The following PPP6R2 variants were observed in gnomAD, a reference collection of about 807,000 sequenced individuals.
PPP6R2 encodes the protein protein phosphatase 6 regulatory subunit 2.
Under a neutral mutation model 100.2 loss-of-function variants are expected in PPP6R2, and 62 were observed. The ratio of observed to expected loss-of-function variants is 0.62; its 90% CI spans 0.50 to 0.76. The LOEUF is 0.76. PPP6R2 is among the 30% of genes least tolerant of loss of function. The pLI is 0.00. For synonymous variants in PPP6R2, 525 were observed against 514.7 expected (o/e 1.02, Z -0.27); for missense variants, 1,142 against 1,276.3 (o/e 0.89, Z 1.60).
rs1479849701 is a variant in PPP6R2, at chr22:50,423,746, G to A, written c.1125+132G>A. The A allele has an allele frequency of 2.0e-5, 24 of 1,173,752 alleles. No individual in the cohort carries two copies. The East Asian group carries it at 5.9e-4, about 29-fold the overall frequency. 72.7% of individuals were successfully genotyped at this position (1,173,752 alleles called of 1,614,324 possible). On this transcript the variant is annotated intron_variant, in intron 10 of 23. Transcript: ENST00000612753. The surrounding 1 kb of genome is among the most constrained non-coding windows in gnomAD (Gnocchi z 4.8). ...TGCCACGGGGAGGTTCCAGTCCCAA[G>A]TCCCAAGGCTGGACTACAGGTCTCT...
At chr22:50,342,416 G>A (rs2042503878), upstream of PPP6R2, among the ~76,000 whole-genome samples, 2 of 152,246 alleles carry the variant, frequency 1.3e-5, no homozygotes, top group African/African-American at 4.8e-5. Flanking sequence ...CAGGGGACAG[G>A]CGTCGGGGAA....
the PPP6R2 span, among the ~76,000 whole-genome samples, chr22:50,335,598 A>G: frequency 2.0e-5 from 3 of 147,182 alleles, no homozygotes; most frequent in Non-Finnish European, 4.5e-5. Context: ...TGCAACTTCC[A>G]CCTCCTGGGT....
chr22:50,418,840 G>T (rs770277125), intron 6 of PPP6R2, 27 bp from the exon 7 acceptor site: 2 of 1,552,004 alleles, frequency 1.3e-6, no homozygotes, highest in Admixed American at 3.3e-5. Flanking sequence ...CACACTGAGG[G>T]ACTCTGTGTT....
intron 4 of PPP6R2, among the ~76,000 whole-genome samples, chr22:50,412,442 T>G (rs575772820): frequency 2.7e-4 from 41 of 151,748 alleles, no homozygotes; most frequent in African/African-American, 9.2e-4. Context: ...TTGACCTCCC[T>G]CAAGTGCCAG....
chr22:50,380,563 G>C (rs1263442533), intron 2 of PPP6R2, among the ~76,000 whole-genome samples: 1 of 150,930 alleles, frequency 6.6e-6, no homozygotes, highest in African/African-American at 2.4e-5. Flanking sequence ...GTTTCACTAC[G>C]TTGGCCGGGC....
At chr22:50,395,958 G>T (rs1012665380) in intron 3 of PPP6R2, among the ~76,000 whole-genome samples, 1 of 151,486 alleles carries the variant, frequency 6.6e-6, no homozygotes, top group Non-Finnish European at 1.5e-5. Context: ...ACTTTGGGAG[G>T]CCAAGGCGGG....
chr22:50,356,119 C>T lies in PPP6R2; in HGVS notation c.-148+12569C>T, dbSNP rs570135502. On this transcript the variant is annotated intron_variant, in intron 1 of 23. Coordinates refer to ENST00000612753, the MANE Select transcript of PPP6R2 (RefSeq NM_001242898.2). ...CTGGGACCACAGGCGCCCGCCACCACGCCCGGCTAATTTTTTCTATTTTTT... is the reference window on the plus strand; with the variant it reads ...CTGGGACCACAGGCGCCCGCCACCATGCCCGGCTAATTTTTTCTATTTTTT... Among the ~76,000 whole-genome samples the T allele has an allele frequency of 9.2e-5, 14 of 151,464 alleles. No homozygotes were observed. The East Asian group carries it at 9.9e-4, about 11-fold the overall frequency.
At chr22:50,405,775 T>C (rs1418617886) in intron 3 of PPP6R2, among the ~76,000 whole-genome samples, 5 of 77,584 alleles carry the variant, frequency 6.4e-5, no homozygotes, top group East Asian at 4.0e-4. Flanking sequence ...TGGAGAGAGG[T>C]GAGAGGCCTG....
intron 12 of PPP6R2, among the ~76,000 whole-genome samples, chr22:50,434,343 C>T (rs1364409846): frequency 2.0e-4 from 11 of 54,192 alleles, no homozygotes; most frequent in Admixed American, 3.5e-4. Flanking sequence ...GGAGGAGGGC[C>T]GGGGGCATGG....
At chr22:50,337,408 TGTG>T in the PPP6R2 span, among the ~76,000 whole-genome samples, 2 of 134,250 alleles carry the variant, frequency 1.5e-5, no homozygotes, top group Non-Finnish European at 1.6e-5. Flanking sequence ...GTGTGTGCGA[TGTG>T]TGGTGTGTGT....
chr22:50,396,045 A>T (rs1432449932), intron 3 of PPP6R2, among the ~76,000 whole-genome samples: 1 of 151,170 alleles, frequency 6.6e-6, no homozygotes, highest in African/African-American at 2.4e-5. Context: ...AAATACAAAA[A>T]TTAGCAGGGC....
rs1001318856 is a variant in PPP6R2 at position 50,431,984 on chromosome 22, CAG to C, written c.1336-280_1336-279del. Among the ~76,000 whole-genome samples, 2 of 152,016 alleles carry C rather than the reference CAG, an allele frequency of 1.3e-5. No homozygotes were observed. The highest frequency in any genetic ancestry group is 2.4e-5 in the African/African-American group (1 of 41,378). On this transcript the variant is annotated intron_variant, in intron 11 of 23. Coordinates refer to ENST00000612753, the MANE Select transcript of PPP6R2 (RefSeq NM_001242898.2). This position sits in a 1 kb window ranked among gnomAD's most constrained non-coding sequence, Gnocchi z 4.8. ...GACGGGGAGAAGGCCCAGGGGAAGA[CAG>C]GGGTCAGGGGGCAATTCCAGGAGTT... is the stretch of plus-strand genomic sequence containing the variant.
chr22:50,340,059 G>A (rs532241908), upstream of PPP6R2, among the ~76,000 whole-genome samples: 2 of 147,766 alleles, frequency 1.4e-5, no homozygotes, highest in East Asian at 2.1e-4. Flanking sequence ...GGTGTGGTGT[G>A]TGGTGTGTGA....
intron 1 of PPP6R2, among the ~76,000 whole-genome samples, chr22:50,360,199 C>T (rs1463906018): frequency 2.0e-5 from 3 of 151,944 alleles, no homozygotes; most frequent in Non-Finnish European, 4.4e-5. Flanking sequence ...ACTACAGGTG[C>T]GTGCCACCAC....
At chr22:50,390,779 T>G (rs1228231166) in intron 2 of PPP6R2, among the ~76,000 whole-genome samples, 1 of 151,636 alleles carries the variant, frequency 6.6e-6, no homozygotes, top group African/African-American at 2.4e-5. Flanking sequence ...GGCGGACAGA[T>G]CACGAGGTCA....
chr22:50,358,186 C>T (rs574179349), intron 1 of PPP6R2, among the ~76,000 whole-genome samples: 1 of 152,096 alleles, frequency 6.6e-6, no homozygotes, highest in Non-Finnish European at 1.5e-5. Flanking sequence ...TAACTCCTGA[C>T]CTCAAGTGAT....
rs2060295938 is a variant in PPP6R2 at position 50,414,795 on chromosome 22, C to T, written c.552+106C>T. ...ACCAGGGCGCCCGGCCCCCATCTCT[C>T]CACCTAGCGTGCATTTCTCCGTGGG... is the stretch of plus-strand genomic sequence containing the variant. On this transcript the variant is annotated intron_variant, in intron 5 of 23. Coordinates refer to ENST00000612753, the MANE Select transcript of PPP6R2 (RefSeq NM_001242898.2). 6.2e-6 allele frequency: 8 copies of T among 1,290,240 alleles called. No homozygotes were observed. The South Asian group carries it at 1.2e-4, about 19-fold the overall frequency. The allele number at this position is 1,290,240 out of a possible 1,614,324, so 79.9% of individuals were successfully genotyped here. A position where few individuals can be genotyped will look rare whatever the true frequency, so the allele number is the denominator to read the frequency against.
chr22:50,373,648 C>A (rs1311794708), intron 2 of PPP6R2, among the ~76,000 whole-genome samples: 2 of 152,014 alleles, frequency 1.3e-5, no homozygotes, highest in East Asian at 3.9e-4. Flanking sequence ...TACACCTAGG[C>A]TGAAAGGAAC....
In PPP6R2 at chr22:50,381,922, GA is replaced by G. The variant is rs201998789; in HGVS notation, c.-17+9780del. ...GACTCCGTCTCAAAAAAAAAAAAAAGAAAAAAAAGGAATAGAAACTGTACAA... is the reference window on the plus strand; with the variant it reads ...GACTCCGTCTCAAAAAAAAAAAAAAGAAAAAAAGGAATAGAAACTGTACAA... On this transcript the variant is annotated intron_variant, in intron 2 of 23. Coordinates refer to ENST00000612753, the MANE Select transcript of PPP6R2 (RefSeq NM_001242898.2). Among the ~76,000 whole-genome samples the G allele has an allele frequency of 5.8e-3, 838 of 144,776 alleles. 11 individuals are homozygous for G. Among genetic ancestry groups the G allele is most frequent in the East Asian group, 0.051 (253 of 5,002 alleles). The allele number at this position is 144,776 out of a possible 152,430, so 95.0% of individuals were successfully genotyped here.
Sources: gnomAD v4.1 joint callset for allele counts (sites outside exome capture counted in the v4.1 genomes callset) on GRCh38, gnomAD v4.1.1 for gene constraint, Gnocchi (gnomAD v3.1) non-coding constraint, MANE v1.5 for transcripts, NCBI Gene and HGNC (gene_info 2026-07-23, HGNC 2026-07-21) for gene names.